ORC5: variants seen among roughly 807,000 people sequenced by gnomAD.
ORC5 encodes origin recognition complex subunit 5.
Under a neutral mutation model 58.8 loss-of-function variants are expected in ORC5, and 39 were observed. That is an observed-to-expected ratio of 0.66 (90% CI 0.51 to 0.87). The LOEUF (loss-of-function observed/expected upper bound fraction) is 0.87. Ranked by LOEUF, ORC5 falls within the 40% of genes least tolerant of loss-of-function variation. ORC5 has a pLI of 0.00. For missense variants in ORC5, 493 were observed against 506.3 expected (o/e 0.97, Z 0.25); for synonymous variants, 218 against 177.6 (o/e 1.23, Z -1.81).
At chr7:104,151,916 G>C (rs1026256487) in intron 12 of ORC5, among the ~76,000 whole-genome samples, 8 of 152,120 alleles carry the variant, frequency 5.3e-5, no homozygotes, top group African/African-American at 1.9e-4. Context: ...CCAAAGGTGA[G>C]GGAGCATTCA....
chr7:104,129,033 A>T lies in ORC5; in HGVS notation c.1263-2140T>A, dbSNP rs1394789271. The stretch of plus-strand genomic sequence containing the variant: ...AAATATTATACAGCCATACAAAATG[A>T]TCAATATGAAGATATACCAGCAATA... On this transcript the variant is annotated intron_variant, in intron 13 of 13. Coordinates refer to ENST00000297431, the MANE Select transcript of ORC5 (RefSeq NM_002553.4). The surrounding 1 kb of genome is among the most constrained non-coding windows in gnomAD (Gnocchi z 4.9). Among the ~76,000 whole-genome samples, 1 of 152,170 alleles carries T rather than the reference A, an allele frequency of 6.6e-6. No individual in the cohort carries two copies. Among genetic ancestry groups the T allele is most frequent in the African/African-American group, 2.4e-5 (1 of 41,446 alleles).
intron 12 of ORC5, among the ~76,000 whole-genome samples, chr7:104,159,565 G>C (rs1466380079): frequency 7.0e-6 from 1 of 143,812 alleles, no homozygotes; most frequent in Non-Finnish European, 1.5e-5. Context: ...TAATGCCCTA[G>C]AATAAGTTAT....
At chr7:104,188,145 T>C (rs887910085) in intron 6 of ORC5, 106 bp downstream of exon 6, 4 of 984,342 alleles carry the variant, frequency 4.1e-6, no homozygotes, top group African/African-American at 3.3e-5. Context: ...ACCTATCTCA[T>C]ACCATTTCTA....
chr7:104,173,886 C>T (rs993592503), intron 8 of ORC5, among the ~76,000 whole-genome samples: 2 of 143,888 alleles, frequency 1.4e-5, no homozygotes, highest in Non-Finnish European at 3.0e-5. Flanking sequence ...GCTCTGTCGC[C>T]CAGGCTGGAG....
intron 12 of ORC5, among the ~76,000 whole-genome samples, chr7:104,151,684 AT>A (rs2115813193): frequency 6.6e-6 from 1 of 152,346 alleles, no homozygotes; most frequent in Admixed American, 6.5e-5. Flanking sequence ...TATATGGGTC[AT>A]CCAGGTACAG....
chr7:104,131,590 G>A (rs1798512646), intron 13 of ORC5, among the ~76,000 whole-genome samples: 1 of 152,156 alleles, frequency 6.6e-6, no homozygotes, highest in African/African-American at 2.4e-5. Flanking sequence ...AGTGGCTGAT[G>A]CCTGTAAACC....
At chr7:104,186,254 A>G (rs1053509186) in intron 6 of ORC5, among the ~76,000 whole-genome samples, 2 of 152,120 alleles carry the variant, frequency 1.3e-5, no homozygotes, top group Non-Finnish European at 2.9e-5. Context: ...ACACAGATCA[A>G]AAACAGTACT....
rs147068619 is a variant in ORC5 at position 104,196,892 on chromosome 7, C to T, written c.441+833G>A. Among the ~76,000 whole-genome samples the T allele has an allele frequency of 2.9e-3, 437 of 152,160 alleles. 1 individual carries two copies. The highest frequency in any genetic ancestry group is 9.7e-3 in the African/African-American group (404 of 41,522). On this transcript the variant is annotated intron_variant, in intron 4 of 13. Coordinates refer to ENST00000297431, the MANE Select transcript of ORC5 (RefSeq NM_002553.4). ...TAAATCTTTATTCCCTTTATGAATACGGTGAATATGGTTTCACCTGGAAAC... is the reference window on the plus strand; with the variant it reads ...TAAATCTTTATTCCCTTTATGAATATGGTGAATATGGTTTCACCTGGAAAC...
intron 8 of ORC5, among the ~76,000 whole-genome samples, chr7:104,173,479 G>C (rs1401622228): frequency 6.6e-6 from 1 of 152,148 alleles, no homozygotes; most frequent in Non-Finnish European, 1.5e-5. Flanking sequence ...ACCTTCAGAA[G>C]GAATCAGCAA....
chr7:104,206,667 T>A (rs1404662731), intron 1 of ORC5, among the ~76,000 whole-genome samples: 1 of 152,238 alleles, frequency 6.6e-6, no homozygotes, highest in Non-Finnish European at 1.5e-5. Flanking sequence ...ACAGGCCACC[T>A]CAAATTGCCA....
chr7:104,184,422 G>A, intron 6 of ORC5: 1 of 415,806 alleles, frequency 2.4e-6, no homozygotes, highest in Non-Finnish European at 4.3e-6. Context: ...AACAGCCACT[G>A]CACTCCAGCC....
chr7:104,204,249 G>A lies in ORC5; in HGVS notation c.73-15C>T, dbSNP rs376668644. On this transcript the variant is annotated splice_polypyrimidine_tract_variant and intron_variant, in intron 1 of 13. Transcript: ENST00000297431. ...AAATGATGTCTCTAACGAGAGAAAA[G>A]ACAAATATGAGGCTGCACATACAAA... 93 of 1,398,010 alleles carry A rather than the reference G, an allele frequency of 6.7e-5. No homozygotes were observed. The highest frequency in any genetic ancestry group is 3.7e-5 in the South Asian group (3 of 80,068). The allele number at this position is 1,398,010 out of a possible 1,614,324, so 86.6% of individuals were successfully genotyped here. A position where few individuals can be genotyped will look rare whatever the true frequency, so the allele number is the denominator to read the frequency against.
At position 104,185,038 on chromosome 7, in the gene ORC5, G is replaced by GC. The variant is rs550110081; in HGVS notation, c.685-868dup. Among the ~76,000 whole-genome samples, 318 of 134,224 alleles carry GC rather than the reference G, an allele frequency of 2.4e-3. 2 individuals carry two copies. The highest frequency in any genetic ancestry group is 8.5e-3 in the South Asian group (35 of 4,140). The allele number at this position is 134,224 out of a possible 152,430, so 88.1% of individuals were successfully genotyped here. On this transcript the variant is annotated intron_variant, in intron 6 of 13. Transcript: ENST00000297431. ...TTTGAACCAGCTGGCCCCCCTTTCTGCCCCCCACCTTTTGAGTCTCATATT... is the reference window on the plus strand; with the variant it reads ...TTTGAACCAGCTGGCCCCCCTTTCTGCCCCCCCACCTTTTGAGTCTCATATT...
intron 12 of ORC5, among the ~76,000 whole-genome samples, chr7:104,143,320 A>G (rs936765986): frequency 3.3e-5 from 5 of 152,276 alleles, no homozygotes; most frequent in African/African-American, 1.2e-4. Context: ...CAATTTTTTC[A>G]TAGAAAAACA....
At chr7:104,137,092 TC>T (rs1455838651) in intron 12 of ORC5, among the ~76,000 whole-genome samples, 199 bp from the exon 13 acceptor site, 2 of 150,446 alleles carry the variant, frequency 1.3e-5, no homozygotes, top group Non-Finnish European at 3.0e-5. Flanking sequence ...GTTGTCAGAG[TC>T]CTAGTTTTGT....
At chr7:104,206,873 T>C (rs1452727172) in intron 1 of ORC5, among the ~76,000 whole-genome samples, 1 of 152,166 alleles carries the variant, frequency 6.6e-6, no homozygotes, top group Non-Finnish European at 1.5e-5. Flanking sequence ...GCTGTAGAGG[T>C]TTATAGCCTA....
chr7:104,184,768 C>T (rs1426150664), intron 6 of ORC5, among the ~76,000 whole-genome samples: 2 of 152,132 alleles, frequency 1.3e-5, no homozygotes, highest in Non-Finnish European at 2.9e-5. Context: ...TCTGATCACC[C>T]CCCACCTTGG....
chr7:104,201,914 AC>A (rs1799954037), intron 2 of ORC5, among the ~76,000 whole-genome samples: 1 of 151,396 alleles, frequency 6.6e-6, no homozygotes, highest in Non-Finnish European at 1.5e-5. Flanking sequence ...ACACAGTGAG[AC>A]TCTGTCTTTA....
intron 12 of ORC5, among the ~76,000 whole-genome samples, chr7:104,140,011 T>A (rs1404688204): frequency 2.0e-5 from 3 of 152,078 alleles, no homozygotes; most frequent in African/African-American, 7.2e-5. Flanking sequence ...ACAAACCTTT[T>A]CATTATAATA....
Sources: gnomAD v4.1 joint callset for allele counts (sites outside exome capture counted in the v4.1 genomes callset) on GRCh38, gnomAD v4.1.1 for gene constraint, Gnocchi (gnomAD v3.1) non-coding constraint, MANE v1.5 for transcripts, NCBI Gene and HGNC (gene_info 2026-07-23, HGNC 2026-07-21) for gene names.